The following ANAPC1 variants were observed in gnomAD, a reference collection of about 807,000 sequenced individuals.
ANAPC1 encodes anaphase promoting complex subunit 1, also known as anaphase-promoting complex subunit 1.
A neutral mutation model predicts 208.0 loss-of-function variants in ANAPC1; 36 were observed. The observed-to-expected ratio is 0.17, with a 90% CI of 0.13 to 0.23. ANAPC1 has a LOEUF of 0.23. Among genes scored for constraint, ANAPC1 ranks in the 10% least tolerant of loss-of-function variants. The pLI, the probability that ANAPC1 is intolerant of heterozygous loss-of-function variation, is 1.00. For missense variants in ANAPC1, 942 were observed against 2,011.6 expected (o/e 0.47, Z 10.17); for synonymous variants, 378 against 695.2 (o/e 0.54, Z 7.18).
intron 21 of ANAPC1, among the ~76,000 whole-genome samples, chr2:111,827,698 G>A (rs1679910725): frequency 6.6e-6 from 1 of 152,082 alleles, no homozygotes. Flanking sequence ...TGAGGCTGCA[G>A]TGAGCCATGA....
intron 38 of ANAPC1, among the ~76,000 whole-genome samples, chr2:111,790,937 T>C (rs1390004045): frequency 2.6e-5 from 4 of 152,216 alleles, no homozygotes; most frequent in Non-Finnish European, 5.9e-5. Context: ...CAGGGAGTTG[T>C]TCAATGGCTA....
At chr2:111,794,942 C>T (rs1678082937) in intron 34 of ANAPC1, 48 bp from the exon 35 acceptor site, 3 of 987,230 alleles carry the variant, frequency 3.0e-6, no homozygotes, top group African/African-American at 1.6e-5. Flanking sequence ...GTTCTCATTA[C>T]AAATATTTAA....
At chr2:111,831,825 T>TC (rs1553425747) in intron 20 of ANAPC1, among the ~76,000 whole-genome samples, 38,541 of 63,364 alleles carry the variant, frequency 0.61, 11,021 homozygotes, top group Middle Eastern at 0.7. Context: ...AGACTCTGTC[T>TC]CAAAAAAAAA....
intron 13 of ANAPC1, among the ~76,000 whole-genome samples, chr2:111,852,130 G>A (rs1325964410): frequency 6.7e-6 from 1 of 148,934 alleles, no homozygotes; most frequent in Non-Finnish European, 1.5e-5. Flanking sequence ...GATGGAATAA[G>A]CACATACCAT....
At chr2:111,872,157 G>GT (rs1682785869) in intron 6 of ANAPC1, among the ~76,000 whole-genome samples, 1 of 152,012 alleles carries the variant, frequency 6.6e-6, no homozygotes, top group Non-Finnish European at 1.5e-5. Flanking sequence ...TTAATTTGTG[G>GT]TAAGTCCCTT....
chr2:111,873,098 G>A (rs1682841710), intron 5 of ANAPC1: 1 of 559,964 alleles, frequency 1.8e-6, no homozygotes, highest in South Asian at 3.0e-5. Flanking sequence ...TACCACAGAA[G>A]ACTTCCTAAT....
At chr2:111,855,453 G>T (rs1379384460) in intron 13 of ANAPC1, among the ~76,000 whole-genome samples, 1 of 152,068 alleles carries the variant, frequency 6.6e-6, no homozygotes, top group Non-Finnish European at 1.5e-5. Flanking sequence ...AAAAAATGCA[G>T]TATCTGTGAA....
At chr2:111,791,001 T>A (rs1261830660) in intron 38 of ANAPC1, among the ~76,000 whole-genome samples, 3 of 152,250 alleles carry the variant, frequency 2.0e-5, no homozygotes, top group Non-Finnish European at 4.4e-5. Context: ...TGCACGGCAG[T>A]GTGAATATAA....
chr2:111,836,456 C>T (rs1680472503), intron 18 of ANAPC1, among the ~76,000 whole-genome samples: 2 of 150,754 alleles, frequency 1.3e-5, no homozygotes, highest in African/African-American at 4.9e-5. Context: ...GCCTGGGCAA[C>T]ATATTATAGT....
intron 3 of ANAPC1, among the ~76,000 whole-genome samples, chr2:111,876,237 A>C (rs1683018747): frequency 1.3e-5 from 2 of 149,732 alleles, no homozygotes; most frequent in Admixed American, 1.4e-4. Flanking sequence ...TTAAAAAACA[A>C]AAAGAATAAA....
rs1228606951 is a variant in ANAPC1, at chr2:111,833,285, T to C, written c.2411A>G (p.Asp804Gly). The stretch of plus-strand genomic sequence containing the variant: ...CGTTGGGTAGTCTCTATAGTAATGA[T>C]CTACATAAGGCCCCAATTTTAAGTC... ...ARDLKLGPYV[D>G]HYYRDYPTLV... Residue 804 changes from aspartate to glycine, a missense_variant, in exon 20 of 48, where the codon GAT (aspartate) becomes GGT (glycine). Transcript: ENST00000341068. 2 of 1,596,862 alleles carry C rather than the reference T, an allele frequency of 1.3e-6. No individual in the cohort carries two copies. The highest frequency in any genetic ancestry group is 1.1e-5 in the South Asian group (1 of 88,898).
intron 42 of ANAPC1, among the ~76,000 whole-genome samples, chr2:111,782,897 C>T (rs1677361593): frequency 6.6e-6 from 1 of 152,078 alleles, no homozygotes; most frequent in African/African-American, 2.4e-5. Context: ...AATCTAAGGA[C>T]AGAACAATAC....
At chr2:111,823,703 T>C (rs141252935) in intron 24 of ANAPC1, among the ~76,000 whole-genome samples, 145 of 152,258 alleles carry the variant, frequency 9.5e-4, no homozygotes, top group Middle Eastern at 6.8e-3. Context: ...TTTACATCTA[T>C]ATATTTTCAA....
intron 43 of ANAPC1, among the ~76,000 whole-genome samples, chr2:111,782,012 C>T (rs1213038218): frequency 2.6e-5 from 4 of 152,196 alleles, no homozygotes; most frequent in African/African-American, 9.6e-5. Context: ...TTGCAAAACT[C>T]GTTTTCTATT....
At chr2:111,820,123 C>G (rs1679444313) in intron 26 of ANAPC1, among the ~76,000 whole-genome samples, 1 of 152,178 alleles carries the variant, frequency 6.6e-6, no homozygotes, top group Non-Finnish European at 1.5e-5. Context: ...AACTATGACA[C>G]CTGTTCACTG....
intron 6 of ANAPC1, among the ~76,000 whole-genome samples, chr2:111,871,897 T>G (rs1017474781): frequency 6.6e-6 from 1 of 152,040 alleles, no homozygotes; most frequent in Non-Finnish European, 1.5e-5. Context: ...TTTGGAGGAG[T>G]CTATAGGGTT....
intron 17 of ANAPC1, among the ~76,000 whole-genome samples, chr2:111,841,199 C>T (rs1164430623): frequency 6.6e-6 from 1 of 151,900 alleles, no homozygotes. Context: ...CAAATGTTCA[C>T]TGAGTATCCT....
chr2:111,805,801 C>T lies in ANAPC1; in HGVS notation c.3924+1G>A. 2.9e-6 allele frequency: 1 copy of T among 348,074 alleles called. No individual in the cohort carries two copies. The highest frequency in any genetic ancestry group is 5.0e-6 in the Non-Finnish European group (1 of 201,172). The allele number at this position is 348,074 out of a possible 1,614,324, so 21.6% of individuals were successfully genotyped here. A position where few individuals can be genotyped will look rare whatever the true frequency, so the allele number is the denominator to read the frequency against. On this transcript the variant is annotated splice_donor_variant, in intron 30 of 47. Coordinates refer to ENST00000341068, the MANE Select transcript of ANAPC1 (RefSeq NM_022662.4). LOFTEE classifies it high-confidence loss of function. ...CATGGGAAGGCATAGGCTATGCTTA[C>T]CCCCAAGCAGACCATGCCCAGGGCC...
rs758795280 is a variant in ANAPC1, at chr2:111,864,813, T to C, written c.824A>G (p.Lys275Arg). The change falls in exon 8 of 48, where the codon AAA becomes AGA. Residue 275 changes from lysine to arginine, a missense_variant. Transcript: ENST00000341068. ...VHSVWTLRRV[K>R]SEEENVVLKF... Reference sequence around the variant, plus strand: ...ACTTGCCTTTCTCCTTACCTCTGATTTGACTCTCCGGAGAGTCCACACAGA... The same window carrying C: ...ACTTGCCTTTCTCCTTACCTCTGATCTGACTCTCCGGAGAGTCCACACAGA... The C allele has an allele frequency of 6.2e-7, 1 of 1,611,110 alleles. No homozygotes were observed. Among genetic ancestry groups the C allele is most frequent in the Non-Finnish European group, 8.5e-7 (1 of 1,179,540 alleles).
Sources: gnomAD v4.1 joint callset for allele counts (sites outside exome capture counted in the v4.1 genomes callset) on GRCh38, gnomAD v4.1.1 for gene constraint, MANE v1.5 for transcripts, NCBI Gene and HGNC (gene_info 2026-07-23, HGNC 2026-07-21) for gene names.